NTRK3: variants seen among roughly 807,000 people sequenced by gnomAD.
NTRK3 encodes the protein neurotrophic receptor tyrosine kinase 3.
Under a neutral mutation model 91.7 loss-of-function variants are expected in NTRK3, and 24 were observed. The ratio of observed to expected loss-of-function variants is 0.26; its 90% CI spans 0.19 to 0.37. NTRK3 has a LOEUF of 0.37. NTRK3 is among the 10% of genes least tolerant of loss of function. The pLI is 1.00. For missense variants in NTRK3, 880 were observed against 1,068.9 expected (o/e 0.82, Z 2.46); for synonymous variants, 483 against 404.0 (o/e 1.20, Z -2.34).
At position 88,243,786 on chromosome 15, in the gene NTRK3, TAG is replaced by T. The variant is rs2052584729; in HGVS notation, c.248+12118_248+12119del. ...AAAACACCAGAAAGGCTCTGGTTTT[TAG>T]GTGCCAGGATTGTTTCATCACAATC... On this transcript the variant is annotated intron_variant, in intron 3 of 18. Transcript: ENST00000394480. The surrounding 1 kb of genome is among the most constrained non-coding windows in gnomAD (Gnocchi z 4.8). 6.6e-6 allele frequency among the ~76,000 whole-genome samples: 1 copy of T among 152,190 alleles called. No homozygotes were observed. Among genetic ancestry groups the T allele is most frequent in the African/African-American group, 2.4e-5 (1 of 41,442 alleles).
intron 14 of NTRK3, among the ~76,000 whole-genome samples, chr15:87,995,737 A>C (rs2075641375): frequency 6.6e-6 from 1 of 152,300 alleles, no homozygotes; most frequent in Admixed American, 6.5e-5. Context: ...CAAGAGACAG[A>C]CAGTAAATAT....
At chr15:88,107,135 T>A (rs1365043493) in intron 13 of NTRK3, among the ~76,000 whole-genome samples, 4 of 152,106 alleles carry the variant, frequency 2.6e-5, no homozygotes, top group Admixed American at 6.6e-5. Flanking sequence ...AATGAATATA[T>A]ATTCCTTTTA....
exon 9 of NTRK3, chr15:88,135,931 A>T: frequency 3.1e-6 from 5 of 1,614,222 alleles, no homozygotes; most frequent in Non-Finnish European, 4.2e-6. Flanking sequence ...GGCATTGCTC[A>T]TGCCCACCAC....
chr15:87,983,888 G>T (rs778813509), intron 14 of NTRK3, among the ~76,000 whole-genome samples: 1 of 152,092 alleles, frequency 6.6e-6, no homozygotes, highest in Non-Finnish European at 1.5e-5. Context: ...AGTTAGGAAG[G>T]TAAGCAGCAC....
intron 17 of NTRK3, among the ~76,000 whole-genome samples, chr15:87,923,052 T>C (rs543640237): frequency 5.3e-5 from 8 of 152,292 alleles, no homozygotes; most frequent in African/African-American, 1.7e-4. Flanking sequence ...TCTCTCCACA[T>C]TCAGAGTAGC....
chr15:87,887,661 C>A (rs1388858070), intron 17 of NTRK3, among the ~76,000 whole-genome samples: 2 of 152,180 alleles, frequency 1.3e-5, no homozygotes, highest in Non-Finnish European at 2.9e-5. Context: ...GAGACCCTGT[C>A]TGGGAAAGGT....
At chr15:88,224,245 C>A (rs1003025080) in intron 3 of NTRK3, among the ~76,000 whole-genome samples, 1 of 152,214 alleles carries the variant, frequency 6.6e-6, no homozygotes, top group African/African-American at 2.4e-5. Flanking sequence ...GCCAGCCCTG[C>A]ACCAGGCACC....
chr15:88,069,904 A>G (rs1480591560), intron 13 of NTRK3, among the ~76,000 whole-genome samples: 1 of 152,170 alleles, frequency 6.6e-6, no homozygotes, highest in East Asian at 1.9e-4. Context: ...TGGCACTTGG[A>G]AAGTCAGAAC....
intron 17 of NTRK3, among the ~76,000 whole-genome samples, chr15:87,907,343 T>C (rs1209524495): frequency 2.0e-5 from 3 of 152,180 alleles, no homozygotes; most frequent in Middle Eastern, 3.2e-3. Flanking sequence ...TTGTTAGTAC[T>C]GAAAATCTTA....
chr15:87,880,687 G>T (rs1272862807), intron 17 of NTRK3, among the ~76,000 whole-genome samples: 1 of 152,162 alleles, frequency 6.6e-6, no homozygotes, highest in Non-Finnish European at 1.5e-5. Context: ...AAAGATCAAG[G>T]TAATCTGAAG....
At chr15:87,940,634 C>G in exon 15 of NTRK3, 2 of 1,613,948 alleles carry the variant, frequency 1.2e-6, no homozygotes, top group Non-Finnish European at 1.7e-6. Context: ...TTCACAGCCA[C>G]AAGCATCTTG....
chr15:88,051,900 G>A (rs898728365), intron 13 of NTRK3, among the ~76,000 whole-genome samples: 2 of 152,188 alleles, frequency 1.3e-5, no homozygotes. Flanking sequence ...ATCACAGTTA[G>A]CCAATGCTTC....
At chr15:88,125,462 G>A (rs75706983) in intron 13 of NTRK3, among the ~76,000 whole-genome samples, 3 of 151,964 alleles carry the variant, frequency 2.0e-5, no homozygotes, top group Non-Finnish European at 2.9e-5. Flanking sequence ...ATCAAACCTC[G>A]TATCATGCCT....
chr15:88,057,402 G>A (rs2045813605), intron 13 of NTRK3, among the ~76,000 whole-genome samples: 2 of 151,886 alleles, frequency 1.3e-5, no homozygotes, highest in African/African-American at 4.8e-5. Context: ...GGAGGCTGAG[G>A]TGGGAGAAAC....
At chr15:88,181,935 C>A (rs559539476) in intron 5 of NTRK3, among the ~76,000 whole-genome samples, 2 of 152,220 alleles carry the variant, frequency 1.3e-5, no homozygotes, top group African/African-American at 4.8e-5. Flanking sequence ...AAGCTTTTTC[C>A]CTTAGGATGT....
intron 3 of NTRK3, among the ~76,000 whole-genome samples, chr15:88,246,080 G>A (rs1471465648): frequency 6.6e-6 from 1 of 152,182 alleles, no homozygotes; most frequent in Non-Finnish European, 1.5e-5. Flanking sequence ...AGACCAGAGA[G>A]CTCCACACCC....
chr15:88,038,890 GA>G (rs1182800863), intron 13 of NTRK3, among the ~76,000 whole-genome samples: 1 of 152,066 alleles, frequency 6.6e-6, no homozygotes, highest in Non-Finnish European at 1.5e-5. Context: ...TGCCTCAGGG[GA>G]AAACTCAAAG....
chr15:88,149,212 G>A (rs368563326), intron 5 of NTRK3, among the ~76,000 whole-genome samples: 3 of 152,212 alleles, frequency 2.0e-5, no homozygotes, highest in African/African-American at 7.2e-5. Context: ...CTCATTGGAC[G>A]CAGCCCTCTT....
intron 13 of NTRK3, among the ~76,000 whole-genome samples, chr15:88,094,110 G>GTGGAAGGGGCTC (rs747973705): frequency 4.2e-4 from 64 of 152,254 alleles, no homozygotes; most frequent in Non-Finnish European, 5.1e-4. Flanking sequence ...TAAAAAGCCA[G>GTGGAAGGGGCTC]TGGAAGGGGC....
Sources: allele counts gnomAD v4.1 joint callset (sites outside exome capture counted in the v4.1 genomes callset), GRCh38; gene constraint gnomAD v4.1.1; non-coding constraint Gnocchi (gnomAD v3.1); transcripts MANE v1.5; gene names NCBI Gene and HGNC (gene_info 2026-07-23, HGNC 2026-07-21).